PFN2: variants seen among roughly 807,000 people sequenced by gnomAD.
The protein encoded by PFN2 is profilin 2.
Under a neutral mutation model 15.3 loss-of-function variants are expected in PFN2, and 8 were observed. The observed-to-expected ratio is 0.52, with a 90% CI of 0.31 to 0.95. The LOEUF is 0.95. PFN2 is among the 40% of genes least tolerant of loss of function. The probability of loss-of-function intolerance (pLI) is 0.05; values close to 1 mark genes in which losing one functional copy is unlikely to be tolerated. For synonymous variants in PFN2, 79 were observed against 67.9 expected, an observed-to-expected ratio of 1.16 and a Z score of -0.81; for missense variants, 111 against 182.3, an observed-to-expected ratio of 0.61 and a Z score of 2.25.
rs533922880 is a variant in PFN2 at position 149,967,355 on chromosome 3, A to G, written c.326-769T>C. 8.5e-5 allele frequency among the ~76,000 whole-genome samples: 13 copies of G among 152,346 alleles called. No individual in the cohort carries two copies. In the South Asian group the frequency reaches 2.7e-3, roughly 32 times the overall value. ...TGTTTGACGCTTCTTTTCAGCGTAT[A>G]GTGCAGCTAAGGTTTAAAGAGATTT... is the stretch of plus-strand genomic sequence containing the variant. On this transcript the variant is annotated intron_variant, in intron 2 of 2. Transcript: ENST00000239940.
chr3:149,969,371 T>A (rs1374741455), intron 1 of PFN2, among the ~76,000 whole-genome samples: 1 of 152,074 alleles, frequency 6.6e-6, no homozygotes, highest in African/African-American at 2.4e-5. Flanking sequence ...GTCGCCCCCA[T>A]CAGAACTGCA....
rs992165049 is a variant in PFN2, at chr3:149,965,118, C to T, written c.*1371G>A. 1.2e-6 allele frequency: 1 copy of T among 863,702 alleles called. No homozygotes were observed. Among genetic ancestry groups the T allele is most frequent in the Admixed American group, 3.0e-5 (1 of 33,258 alleles). 53.5% of individuals were successfully genotyped at this position (863,702 alleles called of 1,614,324 possible). Reference sequence around the variant, plus strand: ...AATAGAAGCAAATACTAGAATGTCCCTAAAGTAGTGCCATTCGAAAGAAAC... The same window carrying T: ...AATAGAAGCAAATACTAGAATGTCCTTAAAGTAGTGCCATTCGAAAGAAAC... On this transcript the variant is annotated 3_prime_UTR_variant, in exon 3 of 3. Transcript: ENST00000239940.
chr3:149,967,618 A>C (rs1301813969), intron 2 of PFN2, among the ~76,000 whole-genome samples: 1 of 152,244 alleles, frequency 6.6e-6, no homozygotes, highest in Non-Finnish European at 1.5e-5. Flanking sequence ...CGTATGCGTT[A>C]ACACATTAAA....
Position 149,965,270 on chromosome 3 carries a change from T to TA in PFN2, c.*1218dup. ...AAGTCCACAATAATGCAACTTCATA[T>TA]AAAAACTCAAGCTGCAAATAAAAAT... On this transcript the variant is annotated 3_prime_UTR_variant, in exon 3 of 3. Coordinates refer to ENST00000239940, the MANE Select transcript of PFN2 (RefSeq NM_053024.4). 1 of 1,535,396 alleles carries TA rather than the reference T, an allele frequency of 6.5e-7. No homozygotes were observed. Among genetic ancestry groups the TA allele is most frequent in the African/African-American group, 1.4e-5 (1 of 73,110 alleles).
At position 149,968,412 on chromosome 3, in the gene PFN2, T is replaced by C. The variant is rs766027721; in HGVS notation, c.271A>G (p.Lys91Glu). Residue 91 changes from lysine (K) to glutamate (E), a missense_variant, in exon 2 of 3, where the codon AAG becomes GAG. Around this residue, in one of 2 missense-constraint regions of PFN2, gnomAD observed 47 missense variants for 112.7 expected, o/e 0.42. Coordinates refer to ENST00000239940, the MANE Select transcript of PFN2 (RefSeq NM_053024.4). The part of the protein sequence containing the change: ...DGDCTMDIRT[K>E]SQGGEPTYNV... ...TATGTTGGCTCCCCACCTTGACTCT[T>C]TGTCCGGATGTCCATTGTGCAGTCA... 6.2e-7 allele frequency: 1 copy of C among 1,614,190 alleles called. No individual in the cohort carries two copies. The highest frequency in any genetic ancestry group is 8.5e-7 in the Non-Finnish European group (1 of 1,180,028).
In PFN2 at chr3:149,970,851, G is replaced by A. The variant is rs1029681231; in HGVS notation, c.6C>T (p.Ala2=). The A allele has an allele frequency of 5.4e-6, 8 of 1,474,112 alleles. No homozygotes were observed. In the East Asian group the frequency reaches 1.2e-4, roughly 22 times the overall value. The allele number at this position is 1,474,112 out of a possible 1,614,324, so 91.3% of individuals were successfully genotyped here. M[A]GWQSYVDNLM... is the part of the protein sequence containing the mutation. ...GGTTATCCACGTAGCTCTGCCAACC[G>A]GCCATCTTCGAGCCCTTCGCACTGC... Residue 2 remains alanine (A), a synonymous_variant, in exon 1 of 3, where the codon GCC becomes GCT. Transcript: ENST00000239940.
chr3:149,969,365 C>T (rs922981950), intron 1 of PFN2, among the ~76,000 whole-genome samples: 2 of 152,190 alleles, frequency 1.3e-5, no homozygotes, highest in African/African-American at 4.8e-5. Flanking sequence ...GAAGGCGTCG[C>T]CCCCATCAGA....
rs774657162 is a variant in PFN2, at chr3:149,968,343, G to C, written c.325+15C>G. 6.2e-7 allele frequency: 1 copy of C among 1,607,178 alleles called. No individual in the cohort carries two copies. The highest frequency in any genetic ancestry group is 1.7e-5 in the Admixed American group (1 of 59,368). On this transcript the variant is annotated intron_variant, in intron 2 of 2. Coordinates refer to ENST00000239940, the MANE Select transcript of PFN2 (RefSeq NM_053024.4). ...ATGTGGCATGCAACTTTAACCAAAA[G>C]AATGCCTTACTCACCTCTACCAGCT... is the stretch of plus-strand genomic sequence containing the variant.
At chr3:149,968,816 A>G in intron 1 of PFN2, 1 of 401,018 alleles carries the variant, frequency 2.5e-6, no homozygotes. Flanking sequence ...AAGAAACTGT[A>G]AAGAGTTGAC....
rs1553776720 is a variant in PFN2, at chr3:149,966,279, G to A, written c.*210C>T. 6.2e-7 allele frequency: 1 copy of A among 1,610,282 alleles called. No homozygotes were observed. The highest frequency in any genetic ancestry group is 8.5e-7 in the Non-Finnish European group (1 of 1,178,726). ...TATAACCAATGCTGGAGTACACAAG[G>A]AAACAAAACAAAAGTGAACAGAATT... On this transcript the variant is annotated 3_prime_UTR_variant, in exon 3 of 3. Transcript: ENST00000239940.
chr3:149,965,965 A>G lies in PFN2; in HGVS notation c.*524T>C. Reference sequence around the variant, plus strand: ...CCAATTTCAAGGTATCATGCAAATCATTATTGTGCTGCAATTATGTTGCCA... The same window carrying G: ...CCAATTTCAAGGTATCATGCAAATCGTTATTGTGCTGCAATTATGTTGCCA... On this transcript the variant is annotated 3_prime_UTR_variant, in exon 3 of 3. Coordinates refer to ENST00000239940, the MANE Select transcript of PFN2 (RefSeq NM_053024.4). The G allele has an allele frequency of 1.5e-6, 2 of 1,370,960 alleles. No individual in the cohort carries two copies. Among genetic ancestry groups the G allele is most frequent in the Non-Finnish European group, 1.9e-6 (2 of 1,066,502 alleles). The allele number at this position is 1,370,960 out of a possible 1,614,324, so 84.9% of individuals were successfully genotyped here. A position where few individuals can be genotyped will look rare whatever the true frequency, so the allele number is the denominator to read the frequency against.
At position 149,966,778 on chromosome 3, in the gene PFN2, T is replaced by C. The variant is rs552300303; in HGVS notation, c.326-192A>G. ...ATATACTAAACAGAAAATAGTAAACTTGACTGCATCTTGGAAGCCAATCAA... is the reference window on the plus strand; with the variant it reads ...ATATACTAAACAGAAAATAGTAAACCTGACTGCATCTTGGAAGCCAATCAA... On this transcript the variant is annotated intron_variant, in intron 2 of 2. Transcript: ENST00000239940. Among the ~76,000 whole-genome samples the C allele has an allele frequency of 5.3e-5, 8 of 152,228 alleles. No homozygotes were observed. The South Asian group carries it at 1.2e-3, about 24-fold the overall frequency.
Position 149,968,662 on chromosome 3 carries a change from G to T in PFN2, c.133-112C>A, listed in dbSNP as rs561578920. ...CTGTAGCTAGGCTTATGCTACCACT[G>T]CCAGATAGCCACATTTCACTAATGT... On this transcript the variant is annotated intron_variant, in intron 1 of 2. Coordinates refer to ENST00000239940, the MANE Select transcript of PFN2 (RefSeq NM_053024.4). The T allele has an allele frequency of 1.2e-4, 93 of 770,030 alleles. 2 individuals carry two copies. In the South Asian group the frequency reaches 1.6e-3, roughly 13 times the overall value. The allele number at this position is 770,030 out of a possible 1,614,324, so 47.7% of individuals were successfully genotyped here.
At position 149,966,116 on chromosome 3, in the gene PFN2, T is replaced by C. The variant is rs1722682656; in HGVS notation, c.*373A>G. On this transcript the variant is annotated 3_prime_UTR_variant, in exon 3 of 3. Transcript: ENST00000239940. ...CTACAGTTTGGTAGCATTGTGACCA[T>C]AATTAGGGTTGTTGATGAAGACAGT... 5.6e-6 allele frequency: 9 copies of C among 1,592,984 alleles called. No homozygotes were observed. The highest frequency in any genetic ancestry group is 7.7e-6 in the Non-Finnish European group (9 of 1,171,120).
chr3:149,967,965 C>G (rs1205325569), intron 2 of PFN2, among the ~76,000 whole-genome samples: 2 of 151,726 alleles, frequency 1.3e-5, no homozygotes, highest in East Asian at 3.9e-4. Context: ...GGTTAGAATA[C>G]AAGCAAGAAA....
intron 1 of PFN2, chr3:149,968,960 G>T (rs961197187): frequency 7.3e-5 from 12 of 164,102 alleles, no homozygotes; most frequent in Admixed American, 1.8e-4. Flanking sequence ...ATCATATTCA[G>T]TCCCATTACA....
chr3:149,968,154 A>T (rs971888004), intron 2 of PFN2: 14 of 471,206 alleles, frequency 3.0e-5, no homozygotes, highest in African/African-American at 2.0e-4. Flanking sequence ...TCTATCGTAG[A>T]AACAAAATCA....
In PFN2 at chr3:149,966,314, G is replaced by C. The variant is rs201236013; in HGVS notation, c.*175C>G. The C allele has an allele frequency of 1.5e-4, 240 of 1,605,350 alleles. 1 individual carries two copies. The Admixed American group carries it at 1.9e-3, about 12-fold the overall frequency. ...AAAAGTGAACAGAATTATTTTGGGG[G>C]GGGAGGGCAGAAAGAAAGACACCTT... On this transcript the variant is annotated 3_prime_UTR_variant, in exon 3 of 3. Transcript: ENST00000239940.
chr3:149,966,913 A>C (rs1270195578), intron 2 of PFN2, among the ~76,000 whole-genome samples: 1 of 152,056 alleles, frequency 6.6e-6, no homozygotes. Flanking sequence ...TGTCAAGTAC[A>C]TGTTATTACT....
Sources: allele counts gnomAD v4.1 joint callset (sites outside exome capture counted in the v4.1 genomes callset), GRCh38; gene constraint gnomAD v4.1.1; regional missense constraint gnomAD v4.1.1; transcripts MANE v1.5; gene names NCBI Gene and HGNC (gene_info 2026-07-23, HGNC 2026-07-21).